Variants in INPP4A observed in about 807,000 individuals in gnomAD.
INPP4A encodes the protein inositol polyphosphate-4-phosphatase type I A.
A neutral mutation model predicts 119.8 loss-of-function variants in INPP4A; 33 were observed. The ratio of observed to expected loss-of-function variants is 0.28; its 90% CI spans 0.21 to 0.37. The LOEUF (loss-of-function observed/expected upper bound fraction) is 0.37, where lower values mean the gene tolerates loss of function less well. Among genes scored for constraint, INPP4A ranks in the 10% least tolerant of loss-of-function variants. The pLI, the probability that INPP4A is intolerant of heterozygous loss-of-function variation, is 1.00. For missense variants in INPP4A, 956 were observed against 1,289.9 expected, an observed-to-expected ratio of 0.74 and a Z score of 3.97; for synonymous variants, 496 against 500.7, an observed-to-expected ratio of 0.99 and a Z score of 0.12.
intron 1 of INPP4A, among the ~76,000 whole-genome samples, chr2:98,464,540 G>C (rs888117641): frequency 6.6e-6 from 1 of 152,112 alleles, no homozygotes; most frequent in Non-Finnish European, 1.5e-5. Context: ...TTTTTTGCCT[G>C]CCCAGCCTCT....
chr2:98,557,642 C>T (rs1258830217), intron 16 of INPP4A, among the ~76,000 whole-genome samples: 1 of 152,248 alleles, frequency 6.6e-6, no homozygotes, highest in Non-Finnish European at 1.5e-5. Context: ...CAGTTCTCTA[C>T]CCTGTCCTAG....
rs140280652 is a variant in INPP4A, at chr2:98,539,952, A to G, written c.818+277A>G. On this transcript the variant is annotated intron_variant, in intron 10 of 24. Transcript: ENST00000409851. Reference sequence around the variant, plus strand: ...TTCTCTTCTTTACTCTTTTTTTTTGAGACAGAGTCTTGCTCTGTCGCTCAG... The same window carrying G: ...TTCTCTTCTTTACTCTTTTTTTTTGGGACAGAGTCTTGCTCTGTCGCTCAG... 9.3e-3 allele frequency among the ~76,000 whole-genome samples: 1,414 copies of G among 151,850 alleles called. 10 individuals are homozygous for G. Among genetic ancestry groups the G allele is most frequent in the Middle Eastern group, 0.048 (14 of 292 alleles).
intron 5 of INPP4A, among the ~76,000 whole-genome samples, chr2:98,533,924 T>G (rs1443683571): frequency 1.3e-5 from 2 of 152,228 alleles, no homozygotes; most frequent in Non-Finnish European, 2.9e-5. Context: ...CTTTTGAGTT[T>G]TGTGTCACAT....
chr2:98,546,993 T>C lies in INPP4A; in HGVS notation c.1163+299T>C, dbSNP rs1692590863. ...TGTAGACTCTGCTGGCTTGGCATCC[T>C]TTAGAGTCCCTGGCCAGTCAGTTGA... On this transcript the variant is annotated intron_variant, in intron 13 of 24. Coordinates refer to ENST00000409851, the MANE Select transcript of INPP4A (RefSeq NM_001134225.2). This position sits in a 1 kb window ranked among gnomAD's most constrained non-coding sequence, Gnocchi z 4.2. Among the ~76,000 whole-genome samples, 1 of 152,182 alleles carries C rather than the reference T, an allele frequency of 6.6e-6. No individual in the cohort carries two copies.
At position 98,520,979 on chromosome 2, in the gene INPP4A, C is replaced by G. The variant is rs181036117; in HGVS notation, c.151+248C>G. 7.3e-4 allele frequency: 284 copies of G among 389,360 alleles called. 2 individuals carry two copies. Among genetic ancestry groups the G allele is most frequent in the African/African-American group, 5.5e-3 (260 of 47,500 alleles). 24.1% of individuals were successfully genotyped at this position (389,360 alleles called of 1,614,324 possible). A position where few individuals can be genotyped will look rare whatever the true frequency, so the allele number is the denominator to read the frequency against. On this transcript the variant is annotated intron_variant, in intron 4 of 24. Coordinates refer to ENST00000409851, the MANE Select transcript of INPP4A (RefSeq NM_001134225.2). ...GGGCCCGCCCCCTTGGGGGTATGCT[C>G]TCCACAGGTGGCTGGGGACAGGGAG...
Position 98,587,605 on chromosome 2 carries a change from G to A in INPP4A, c.2916G>A (p.Thr972=), listed in dbSNP as rs766764597. 113 of 1,598,996 alleles carry A rather than the reference G, an allele frequency of 7.1e-5. No individual in the cohort carries two copies. Among genetic ancestry groups the A allele is most frequent in the Non-Finnish European group, 9.1e-5 (107 of 1,175,530 alleles). The change falls in exon 25 of 25, where the codon ACG becomes ACA. Residue 972 remains threonine (T), a synonymous_variant. Transcript: ENST00000409851. ...PPEGTYGKVE[T] Reference sequence around the variant, plus strand: ...AAGGGACTTACGGAAAAGTTGAAACGTGAACACACGGTTTCCTCTAATTAG... The same window carrying A: ...AAGGGACTTACGGAAAAGTTGAAACATGAACACACGGTTTCCTCTAATTAG...
intron 24 of INPP4A, among the ~76,000 whole-genome samples, chr2:98,580,373 T>G (rs1699118639): frequency 6.6e-6 from 1 of 152,248 alleles, no homozygotes; most frequent in African/African-American, 2.4e-5. Flanking sequence ...AGCCCTGATC[T>G]GTAATGTTTG....
At chr2:98,559,559 G>C in intron 17 of INPP4A, 64 bp downstream of exon 17, 1 of 1,517,196 alleles carries the variant, frequency 6.6e-7, no homozygotes. Flanking sequence ...GTAGTGTTTT[G>C]TAGCTAAATT....
At chr2:98,465,859 T>A (rs1248264912) in intron 1 of INPP4A, among the ~76,000 whole-genome samples, 1 of 152,140 alleles carries the variant, frequency 6.6e-6, no homozygotes, top group African/African-American at 2.4e-5. Flanking sequence ...TTCGGCGCAG[T>A]ACTTGAGCAG....
At chr2:98,467,833 TATC>T (rs1389715083) in intron 1 of INPP4A, among the ~76,000 whole-genome samples, 2 of 152,156 alleles carry the variant, frequency 1.3e-5, no homozygotes, top group South Asian at 2.1e-4. Flanking sequence ...ATCTAATTAT[TATC>T]TAGTTCTCTA....
intron 1 of INPP4A, among the ~76,000 whole-genome samples, chr2:98,517,940 GAACA>G (rs1364509850): frequency 6.6e-6 from 1 of 152,206 alleles, no homozygotes; most frequent in Non-Finnish European, 1.5e-5. Flanking sequence ...TCTCATTGAA[GAACA>G]AACAAAACTC....
At chr2:98,521,903 G>A (rs976798995) in intron 4 of INPP4A, 1 of 152,040 alleles carries the variant, frequency 6.6e-6, no homozygotes, top group Non-Finnish European at 1.5e-5. Context: ...GCCACAGAGG[G>A]ATACCCTGTC....
At chr2:98,478,268 T>C (rs1416867065) in intron 1 of INPP4A, among the ~76,000 whole-genome samples, 1 of 152,186 alleles carries the variant, frequency 6.6e-6, no homozygotes, top group African/African-American at 2.4e-5. Context: ...AGGCAGGCCC[T>C]GCTCTTGGTG....
intron 11 of INPP4A, 145 bp from the exon 12 acceptor site, chr2:98,545,824 C>T (rs1267392445): frequency 3.4e-6 from 2 of 584,392 alleles, no homozygotes; most frequent in Non-Finnish European, 5.9e-6. Context: ...ATGAAATGTG[C>T]TCATGGCAAC....
In INPP4A at chr2:98,566,181, C is replaced by T; in HGVS notation, c.2420+12C>T. On this transcript the variant is annotated intron_variant, in intron 21 of 24. Coordinates refer to ENST00000409851, the MANE Select transcript of INPP4A (RefSeq NM_001134225.2). The surrounding 1 kb of genome is among the most constrained non-coding windows in gnomAD (Gnocchi z 4.2). ...ACACTGGCCGAGAGGTGCGTGCCGG[C>T]TCCTCGGGGCTGCGGGGGTGTGGTG... 1 of 1,569,306 alleles carries T rather than the reference C, an allele frequency of 6.4e-7. No individual in the cohort carries two copies. Among genetic ancestry groups the T allele is most frequent in the Non-Finnish European group, 8.7e-7 (1 of 1,154,076 alleles).
chr2:98,566,959 TC>T lies in INPP4A; in HGVS notation c.2420+792del, dbSNP rs1446496865. 6.6e-6 allele frequency among the ~76,000 whole-genome samples: 1 copy of T among 152,234 alleles called. No homozygotes were observed. The highest frequency in any genetic ancestry group is 6.5e-5 in the Admixed American group (1 of 15,288). Reference sequence around the variant, plus strand: ...TGGTTTCCAGAACAATATGCCGTGTTCCTGCTGGGCCTTCTGATGTCCAACC... The same window carrying T: ...TGGTTTCCAGAACAATATGCCGTGTTCTGCTGGGCCTTCTGATGTCCAACC... On this transcript the variant is annotated intron_variant, in intron 21 of 24. Coordinates refer to ENST00000409851, the MANE Select transcript of INPP4A (RefSeq NM_001134225.2). The surrounding 1 kb of genome is among the most constrained non-coding windows in gnomAD (Gnocchi z 4.2).
At chr2:98,573,205 G>A (rs1203571689) in intron 23 of INPP4A, among the ~76,000 whole-genome samples, 3 of 152,188 alleles carry the variant, frequency 2.0e-5, no homozygotes, top group Admixed American at 6.5e-5. Context: ...GAAGCCTGGC[G>A]ATCGATACCA....
rs77184108 is a variant in INPP4A at position 98,517,396 on chromosome 2, C to G, written c.-165-1568C>G. Among the ~76,000 whole-genome samples, 101 of 152,294 alleles carry G rather than the reference C, an allele frequency of 6.6e-4. 2 individuals are homozygous for G. The East Asian group carries it at 0.01, about 15-fold the overall frequency. On this transcript the variant is annotated intron_variant, in intron 1 of 24. Transcript: ENST00000409851. ...CCCCTCTGAGTTGTATGCCAGGTCACAGGGTAGGTGCATGTTCAACTTAAG... is the reference window on the plus strand; with the variant it reads ...CCCCTCTGAGTTGTATGCCAGGTCAGAGGGTAGGTGCATGTTCAACTTAAG...
chr2:98,558,836 T>G (rs1694956181), intron 16 of INPP4A, among the ~76,000 whole-genome samples: 1 of 152,262 alleles, frequency 6.6e-6, no homozygotes, highest in South Asian at 2.1e-4. Flanking sequence ...AAAAGTGGTA[T>G]TCTTTGAGGA....
Sources: allele counts gnomAD v4.1 joint callset (sites outside exome capture counted in the v4.1 genomes callset), GRCh38; gene constraint gnomAD v4.1.1; non-coding constraint Gnocchi (gnomAD v3.1); transcripts MANE v1.5; gene names NCBI Gene and HGNC (gene_info 2026-07-23, HGNC 2026-07-21).